The following MYOZ2 variants were observed in gnomAD, a reference collection of about 807,000 sequenced individuals.
MYOZ2 encodes myozenin-2.
Under a neutral mutation model 25.4 loss-of-function variants are expected in MYOZ2, and 19 were observed. That is an observed-to-expected ratio of 0.75 (90% CI 0.52 to 1.10). The LOEUF (loss-of-function observed/expected upper bound fraction) is 1.10. MYOZ2 is among the 50% of genes least tolerant of loss of function. MYOZ2 has a pLI of 0.00. For synonymous variants in MYOZ2, 92 were observed against 106.9 expected (o/e 0.86, Z 0.86); for missense variants, 270 against 317.9 (o/e 0.85, Z 1.15).
At chr4:119,149,432 A>G (rs7658890) in intron 2 of MYOZ2, among the ~76,000 whole-genome samples, 95,890 of 152,052 alleles carry the variant, frequency 0.63, 31,258 homozygotes, top group Non-Finnish European at 0.72. Context: ...AAAGTAGCGC[A>G]GCCATTGTCT....
rs1742138194 is a variant in MYOZ2 at position 119,179,158 on chromosome 4, A to G, written c.561-6808A>G. 2.0e-5 allele frequency among the ~76,000 whole-genome samples: 3 copies of G among 152,210 alleles called. No homozygotes were observed. In the South Asian group the frequency reaches 6.2e-4, roughly 32 times the overall value. ...TTGTTATCATGGCCTGGAAGACCTC[A>G]CAGTGCTGGCTCCTGTCTGTCTCCA... On this transcript the variant is annotated intron_variant, in intron 5 of 5. Coordinates refer to ENST00000307128, the MANE Select transcript of MYOZ2 (RefSeq NM_016599.5).
chr4:119,165,686 G>A (rs900183233), intron 5 of MYOZ2, among the ~76,000 whole-genome samples: 1 of 143,962 alleles, frequency 6.9e-6, no homozygotes, highest in African/African-American at 2.4e-5. Context: ...TCTGATCAAT[G>A]TTATAATTTT....
At chr4:119,156,562 A>G (rs1477427270) in intron 3 of MYOZ2, among the ~76,000 whole-genome samples, 1 of 152,176 alleles carries the variant, frequency 6.6e-6, no homozygotes, top group Non-Finnish European at 1.5e-5. Context: ...AACCTCAGGC[A>G]GAGACAGCTC....
Position 119,164,206 on chromosome 4 carries a change from CA to C in MYOZ2, c.377-2del. ...TTTACTTACTTTTGCTATATTTTTC[CA>C]AAGGATATTCTGGACCACTGAAGGA... On this transcript the variant is annotated splice_polypyrimidine_tract_variant and splice_region_variant and intron_variant, in intron 4 of 5. Transcript: ENST00000307128. 1 of 1,613,242 alleles carries C rather than the reference CA, an allele frequency of 6.2e-7. No individual in the cohort carries two copies. The highest frequency in any genetic ancestry group is 2.2e-5 in the East Asian group (1 of 44,846).
chr4:119,185,525 G>A (rs1397593353), intron 5 of MYOZ2, among the ~76,000 whole-genome samples: 1 of 152,138 alleles, frequency 6.6e-6, no homozygotes, highest in East Asian at 1.9e-4. Context: ...ATGTTGGCCA[G>A]GCTGATCTTG....
Position 119,186,158 on chromosome 4 carries a change from A to C in MYOZ2, c.753A>C (p.Glu251Asp), listed in dbSNP as rs760152392. The change falls in exon 6 of 6, where the codon GAA (glutamate) becomes GAC (aspartate). Residue 251 changes from glutamate to aspartate, a missense_variant. Physicochemically the swap from Glu to Asp is conservative, Grantham distance 45. Coordinates refer to ENST00000307128, the MANE Select transcript of MYOZ2 (RefSeq NM_016599.5). ...SENIPIVITT[E>D]PTDDTTVPES... Reference sequence around the variant, plus strand: ...ATATTCCTATAGTGATAACAACCGAACCTACAGATGATACCACTGTACCAG... The same window carrying C: ...ATATTCCTATAGTGATAACAACCGACCCTACAGATGATACCACTGTACCAG... 1 of 1,613,904 alleles carries C rather than the reference A, an allele frequency of 6.2e-7. No homozygotes were observed. The highest frequency in any genetic ancestry group is 8.5e-7 in the Non-Finnish European group (1 of 1,179,832).
At chr4:119,143,483 C>T (rs963687252) in intron 2 of MYOZ2, among the ~76,000 whole-genome samples, 8 of 152,172 alleles carry the variant, frequency 5.3e-5, no homozygotes, top group Non-Finnish European at 7.4e-5. Flanking sequence ...CGTGAGCCAC[C>T]GCGCCTGGCC....
Position 119,140,987 on chromosome 4 carries a change from T to C in MYOZ2, c.76+4386T>C, listed in dbSNP as rs1192993065. 7.9e-5 allele frequency among the ~76,000 whole-genome samples: 12 copies of C among 152,322 alleles called. No homozygotes were observed. The South Asian group carries it at 2.5e-3, about 32-fold the overall frequency. On this transcript the variant is annotated intron_variant, in intron 2 of 5. Transcript: ENST00000307128. ...TAATTATCACAGAACTTTTTATCAA[T>C]TGGAGTTTTAAGGCATTATCCAAAA...
intron 1 of MYOZ2, 54 bp from the exon 2 acceptor site, chr4:119,136,458 C>T (rs1741022719): frequency 7.0e-7 from 1 of 1,429,014 alleles, no homozygotes; most frequent in Non-Finnish European, 9.8e-7. Flanking sequence ...GATTATAAGA[C>T]ACTCCAAATG....
chr4:119,145,526 GTGTGTGTGTGTGTGTGTGTGTGTT>G (rs1459333403), intron 2 of MYOZ2, among the ~76,000 whole-genome samples: 8 of 133,262 alleles, frequency 6.0e-5, no homozygotes, highest in Middle Eastern at 3.6e-3. Context: ...GTGTGTGTGT[GTGTGTGTGTGTGTGTGTGTGTGTT>G]TTTGGTAGAG....
At position 119,187,721 on chromosome 4, in the gene MYOZ2, G is replaced by A. The variant is rs1742337197; in HGVS notation, c.*1521G>A. Reference sequence around the variant, plus strand: ...GCATCTGTGATAAACTATCAATGAGGCTCCCATCATGCCATTTTTTGTTCA... The same window carrying A: ...GCATCTGTGATAAACTATCAATGAGACTCCCATCATGCCATTTTTTGTTCA... On this transcript the variant is annotated 3_prime_UTR_variant, in exon 6 of 6. Transcript: ENST00000307128. 6.6e-6 allele frequency: 1 copy of A among 151,786 alleles called. No homozygotes were observed. Among genetic ancestry groups the A allele is most frequent in the Non-Finnish European group, 1.5e-5 (1 of 67,944 alleles). 9.4% of individuals were successfully genotyped at this position (151,786 alleles called of 1,614,324 possible). A position where few individuals can be genotyped will look rare whatever the true frequency, so the allele number is the denominator to read the frequency against.
chr4:119,175,686 A>T (rs1217287806), intron 5 of MYOZ2, among the ~76,000 whole-genome samples: 1 of 151,580 alleles, frequency 6.6e-6, no homozygotes, highest in Non-Finnish European at 1.5e-5. Flanking sequence ...CAGGAGACAG[A>T]GGTTGCTGTG....
At chr4:119,143,134 A>C (rs551237367) in intron 2 of MYOZ2, among the ~76,000 whole-genome samples, 50 of 152,186 alleles carry the variant, frequency 3.3e-4, no homozygotes, top group African/African-American at 1.1e-3. Flanking sequence ...TCATGGCTTA[A>C]TTACCTTTTA....
Position 119,186,406 on chromosome 4 carries a change from G to T in MYOZ2, c.*206G>T. 1 of 546,792 alleles carries T rather than the reference G, an allele frequency of 1.8e-6. No individual in the cohort carries two copies. The highest frequency in any genetic ancestry group is 3.2e-6 in the Non-Finnish European group (1 of 312,410). The allele number at this position is 546,792 out of a possible 1,614,324, so 33.9% of individuals were successfully genotyped here. ...ACTTTAAAAAACTTATAACTCACTT[G>T]TCTTCATTCATAATTTTGTTTTCAC... On this transcript the variant is annotated 3_prime_UTR_variant, in exon 6 of 6. Coordinates refer to ENST00000307128, the MANE Select transcript of MYOZ2 (RefSeq NM_016599.5).
intron 2 of MYOZ2, among the ~76,000 whole-genome samples, chr4:119,147,512 G>T (rs1741328237): frequency 6.6e-6 from 1 of 151,966 alleles, no homozygotes; most frequent in Non-Finnish European, 1.5e-5. Flanking sequence ...AGACCGAGGT[G>T]GGCGGATCAC....
intron 5 of MYOZ2, among the ~76,000 whole-genome samples, chr4:119,179,828 A>G (rs1292168755): frequency 1.3e-5 from 2 of 152,250 alleles, no homozygotes; most frequent in African/African-American, 2.4e-5. Context: ...TGATGGATGC[A>G]AGAAGGGCAA....
chr4:119,136,161 T>C (rs914230959), intron 1 of MYOZ2, among the ~76,000 whole-genome samples, 179 bp downstream of exon 1: 2 of 152,184 alleles, frequency 1.3e-5, no homozygotes, highest in African/African-American at 4.8e-5. Flanking sequence ...TTGCTGGAAT[T>C]GATGGAGTGT....
rs752100244 is a variant in MYOZ2, at chr4:119,164,206, C to T, written c.377-5C>T. On this transcript the variant is annotated splice_region_variant and splice_polypyrimidine_tract_variant and intron_variant, in intron 4 of 5. Coordinates refer to ENST00000307128, the MANE Select transcript of MYOZ2 (RefSeq NM_016599.5). ...TTTACTTACTTTTGCTATATTTTTC[C>T]AAAGGATATTCTGGACCACTGAAGG... 1 of 1,613,124 alleles carries T rather than the reference C, an allele frequency of 6.2e-7. No individual in the cohort carries two copies.
In MYOZ2 at chr4:119,186,156, G is replaced by A. The variant is rs752275226; in HGVS notation, c.751G>A (p.Glu251Lys). Reference protein sequence around the residue: ...SENIPIVITTEPTDDTTVPES... With the variant: ...SENIPIVITTKPTDDTTVPES... Reference sequence around the variant, plus strand: ...GAATATTCCTATAGTGATAACAACCGAACCTACAGATGATACCACTGTACC... The same window carrying A: ...GAATATTCCTATAGTGATAACAACCAAACCTACAGATGATACCACTGTACC... Residue 251 changes from glutamate (E) to lysine (K), a missense_variant, in exon 6 of 6, where the codon GAA (glutamate) becomes AAA (lysine). Glu to Lys is a moderately conservative substitution (Grantham distance 56). Coordinates refer to ENST00000307128, the MANE Select transcript of MYOZ2 (RefSeq NM_016599.5). 22 of 1,613,528 alleles carry A rather than the reference G, an allele frequency of 1.4e-5. No individual in the cohort carries two copies. The highest frequency in any genetic ancestry group is 1.5e-5 in the Non-Finnish European group (18 of 1,179,788).
Sources: allele counts gnomAD v4.1 joint callset (sites outside exome capture counted in the v4.1 genomes callset), GRCh38; gene constraint gnomAD v4.1.1; transcripts MANE v1.5; gene names NCBI Gene and HGNC (gene_info 2026-07-23, HGNC 2026-07-21).